DNAH5: variants seen among roughly 807,000 people sequenced by gnomAD.
The protein encoded by DNAH5 is dynein axonemal heavy chain 5, also known as axonemal beta dynein heavy chain 5.
DNAH5 carries 372 observed loss-of-function variants against 518.2 expected under a neutral mutation model. That is an observed-to-expected ratio of 0.72 (90% CI 0.66 to 0.78). The LOEUF is 0.78. Ranked by LOEUF, DNAH5 falls within the 30% of genes least tolerant of loss-of-function variation. DNAH5 has a pLI of 0.00. For missense variants in DNAH5, 5,523 were observed against 5,687.0 expected, an observed-to-expected ratio of 0.97 and a Z score of 0.93; for synonymous variants, 2,039 against 2,025.9, an observed-to-expected ratio of 1.01 and a Z score of -0.17.
At chr5:13,807,465 A>G in intron 47 of DNAH5, 126 bp downstream of exon 47, 1 of 841,202 alleles carries the variant, frequency 1.2e-6, no homozygotes, top group South Asian at 1.5e-5. Flanking sequence ...TGGAAGACGT[A>G]CGTGGGTGAT....
At chr5:13,692,279 G>T in intron 78 of DNAH5, 144 bp from the exon 79 acceptor site, 1 of 914,490 alleles carries the variant, frequency 1.1e-6, no homozygotes, top group Non-Finnish European at 1.7e-6. Context: ...TCTGAGGTCA[G>T]GCAATTCCTA....
chr5:13,853,353 A>C (rs1767156257), intron 30 of DNAH5, among the ~76,000 whole-genome samples: 1 of 152,038 alleles, frequency 6.6e-6, no homozygotes, highest in Middle Eastern at 3.2e-3. Context: ...CCACACAAAA[A>C]CTCCATCCGA....
chr5:13,766,923 T>G (rs945030208), intron 58 of DNAH5, among the ~76,000 whole-genome samples: 4 of 152,194 alleles, frequency 2.6e-5, no homozygotes, highest in African/African-American at 9.7e-5. Context: ...AAATAGTATA[T>G]ATTCCTTCCT....
In DNAH5 at chr5:13,880,243, C is replaced by T. The variant is rs549572463; in HGVS notation, c.3262+2485G>A. ...AAGGGATGGTATAAACTTTCTCATA[C>T]AAACAAAAGCTGAGAGAGTTTATCA... On this transcript the variant is annotated intron_variant, in intron 21 of 78. Transcript: ENST00000265104. 6.6e-5 allele frequency among the ~76,000 whole-genome samples: 10 copies of T among 152,200 alleles called. No individual in the cohort carries two copies. The South Asian group carries it at 2.1e-3, about 32-fold the overall frequency.
intron 1 of DNAH5, among the ~76,000 whole-genome samples, chr5:13,941,525 T>C (rs912202356): frequency 6.6e-6 from 1 of 152,114 alleles, no homozygotes; most frequent in Non-Finnish European, 1.5e-5. Flanking sequence ...CTGAAAATGG[T>C]TTGGTTAATT....
chr5:14,006,816 G>A (rs746304526), intron 1 of DNAH5, among the ~76,000 whole-genome samples: 1 of 152,178 alleles, frequency 6.6e-6, no homozygotes, highest in Non-Finnish European at 1.5e-5. Context: ...GGAGGGCTTG[G>A]TCTTTTTTAT....
chr5:13,990,409 T>C (rs1783444986), intron 1 of DNAH5, among the ~76,000 whole-genome samples: 2 of 151,316 alleles, frequency 1.3e-5, no homozygotes, highest in South Asian at 2.1e-4. Context: ...AAAAATTAGC[T>C]GGGCGTGGTG....
chr5:13,750,086 G>A (rs535021361), intron 65 of DNAH5, among the ~76,000 whole-genome samples: 307 of 152,230 alleles, frequency 2.0e-3, no homozygotes, highest in Non-Finnish European at 3.5e-3. Flanking sequence ...AGAAGGGGAG[G>A]AAGTGGAGGA....
At chr5:13,919,134 T>C (rs1200884013) in intron 7 of DNAH5, 42 bp downstream of exon 7, 1 of 1,613,460 alleles carries the variant, frequency 6.2e-7, no homozygotes, top group Non-Finnish European at 8.5e-7. Context: ...CATAGAGAAC[T>C]CTTATTCCCA....
At chr5:13,767,690 G>A (rs1752702486) in intron 58 of DNAH5, among the ~76,000 whole-genome samples, 1 of 152,156 alleles carries the variant, frequency 6.6e-6, no homozygotes, top group Non-Finnish European at 1.5e-5. Context: ...TGTGTTAGAT[G>A]CCCAGGTAAA....
intron 38 of DNAH5, among the ~76,000 whole-genome samples, chr5:13,826,783 G>T (rs553246542): frequency 1.3e-5 from 2 of 152,328 alleles, no homozygotes; most frequent in South Asian, 4.1e-4. Context: ...ACCTGAAAAT[G>T]TGGAAGCAAC....
At chr5:13,895,904 C>T (rs887409209) in intron 15 of DNAH5, among the ~76,000 whole-genome samples, 6 of 152,044 alleles carry the variant, frequency 3.9e-5, no homozygotes, top group African/African-American at 1.4e-4. Flanking sequence ...AGGTCAAAAC[C>T]CAGAGTCATC....
intron 76 of DNAH5, among the ~76,000 whole-genome samples, chr5:13,703,811 G>T (rs1020580063): frequency 6.6e-6 from 1 of 152,196 alleles, no homozygotes; most frequent in East Asian, 1.9e-4. Context: ...GACACATTCT[G>T]CTCATCAGAT....
chr5:13,829,428 T>G, intron 38 of DNAH5, 82 bp downstream of exon 38: 2 of 1,444,832 alleles, frequency 1.4e-6, no homozygotes, highest in Non-Finnish European at 1.9e-6. Flanking sequence ...AAGCCCAGTC[T>G]AGAATTTCTC....
intron 75 of DNAH5, among the ~76,000 whole-genome samples, chr5:13,709,569 C>T (rs1052788063): frequency 3.3e-5 from 5 of 152,140 alleles, no homozygotes; most frequent in Non-Finnish European, 5.9e-5. Context: ...AGCTTTGACT[C>T]GGATGGGCAG....
intron 12 of DNAH5, among the ~76,000 whole-genome samples, chr5:13,905,611 G>T (rs540213151): frequency 2.6e-5 from 4 of 152,214 alleles, no homozygotes; most frequent in Admixed American, 2.6e-4. Flanking sequence ...TAGAATGCTG[G>T]AAACACCAAA....
At chr5:14,002,614 A>C (rs1397519197) in intron 1 of DNAH5, among the ~76,000 whole-genome samples, 1 of 142,008 alleles carries the variant, frequency 7.0e-6, no homozygotes, top group East Asian at 2.1e-4. Context: ...ATAAACATAG[A>C]TCCATATTTT....
In DNAH5 at chr5:13,708,281, T is replaced by C. The variant is rs1446970822; in HGVS notation, c.13180A>G (p.Arg4394Gly). 2 of 1,614,176 alleles carry C rather than the reference T, an allele frequency of 1.2e-6. No homozygotes were observed. Among genetic ancestry groups the C allele is most frequent in the Non-Finnish European group, 1.7e-6 (2 of 1,180,014 alleles). The change falls in exon 76 of 79, where the codon AGG (arginine) becomes GGG (glycine). Residue 4394 changes from arginine to glycine, a missense_variant. Physicochemically the swap from Arg to Gly is moderately radical, Grantham distance 125. This residue lies in a region of DNAH5 where 387 missense variants were observed against 430.0 expected (regional missense o/e 0.90). Coordinates refer to ENST00000265104, the MANE Select transcript of DNAH5 (RefSeq NM_001369.3). ...CTTTGCATTCTGTCTATTTCCTGCCTGAGGAAAATGTTCATAGGCTGGAAT... is the reference window on the plus strand; with the variant it reads ...CTTTGCATTCTGTCTATTTCCTGCCCGAGGAAAATGTTCATAGGCTGGAAT... ...GPFQPMNIFL[R>G]QEIDRMQRVL...
chr5:14,007,353 T>C (rs1275146116), intron 1 of DNAH5, among the ~76,000 whole-genome samples: 1 of 152,176 alleles, frequency 6.6e-6, no homozygotes, highest in East Asian at 1.9e-4. Flanking sequence ...CTTTGTTTTT[T>C]TTTCCAATGT....
Sources: allele counts gnomAD v4.1 joint callset (sites outside exome capture counted in the v4.1 genomes callset), GRCh38; gene constraint gnomAD v4.1.1; regional missense constraint gnomAD v4.1.1; transcripts MANE v1.5; gene names NCBI Gene and HGNC (gene_info 2026-07-23, HGNC 2026-07-21).